PRKCB: variants seen among roughly 807,000 people sequenced by gnomAD.
The protein encoded by PRKCB is protein kinase C beta type.
In PRKCB, 13 loss-of-function variants were observed where a neutral mutation model predicts 81.5. The ratio of observed to expected loss-of-function variants is 0.16; its 90% CI spans 0.10 to 0.25. The LOEUF (loss-of-function observed/expected upper bound fraction) is 0.25. Among genes scored for constraint, PRKCB ranks in the 10% least tolerant of loss-of-function variants. The pLI, the probability that PRKCB is intolerant of heterozygous loss-of-function variation, is 1.00. For missense variants in PRKCB, 509 were observed against 875.7 expected (o/e 0.58, Z 5.29); for synonymous variants, 335 against 321.4 (o/e 1.04, Z -0.45).
At chr16:23,921,439 C>T (rs923797674) in intron 2 of PRKCB, among the ~76,000 whole-genome samples, 4 of 152,180 alleles carry the variant, frequency 2.6e-5, no homozygotes, top group East Asian at 1.9e-4. Context: ...CTTTCGGTCT[C>T]GTGAGGAGAC....
intron 3 of PRKCB, among the ~76,000 whole-genome samples, chr16:23,991,325 G>A (rs1370236483): frequency 3.3e-5 from 5 of 152,182 alleles, no homozygotes; most frequent in Non-Finnish European, 5.9e-5. Context: ...AAATCTGTTT[G>A]CAAAGACAAA....
chr16:24,020,972 TTC>T (rs1334468598), intron 3 of PRKCB, among the ~76,000 whole-genome samples: 11 of 98,154 alleles, frequency 1.1e-4, no homozygotes, highest in Non-Finnish European at 1.7e-4. Context: ...AGAGAGACTT[TTC>T]TTTTTCTTTC....
At chr16:24,029,097 T>G (rs1488018223) in intron 3 of PRKCB, among the ~76,000 whole-genome samples, 1 of 152,184 alleles carries the variant, frequency 6.6e-6, no homozygotes, top group Non-Finnish European at 1.5e-5. Flanking sequence ...GGCCTGGATG[T>G]TTTCATTTCA....
chr16:24,128,172 C>T (rs769272770), intron 9 of PRKCB, among the ~76,000 whole-genome samples: 21 of 152,224 alleles, frequency 1.4e-4, no homozygotes, highest in Non-Finnish European at 2.5e-4. Flanking sequence ...GTCAGGAGTT[C>T]GAGGCCAGCC....
At chr16:24,020,199 T>A (rs1965340277) in intron 3 of PRKCB, among the ~76,000 whole-genome samples, 1 of 152,242 alleles carries the variant, frequency 6.6e-6, no homozygotes, top group Non-Finnish European at 1.5e-5. Flanking sequence ...TTTTAAATTG[T>A]CTACTTCATT....
intron 5 of PRKCB, among the ~76,000 whole-genome samples, chr16:24,063,118 T>A (rs1283909519): frequency 3.3e-5 from 5 of 152,094 alleles, no homozygotes. Context: ...ACTTCCTTCT[T>A]TGGCCTCTTC....
At chr16:23,841,672 T>TTTTG (rs1962267720) in intron 2 of PRKCB, among the ~76,000 whole-genome samples, 1 of 102,648 alleles carries the variant, frequency 9.7e-6, no homozygotes, top group Non-Finnish European at 2.1e-5. Context: ...TTTTTTTTTT[T>TTTTG]TGAGACGGAG....
chr16:24,015,314 G>T (rs574443474), intron 3 of PRKCB, among the ~76,000 whole-genome samples: 1 of 152,318 alleles, frequency 6.6e-6, no homozygotes, highest in South Asian at 2.1e-4. Context: ...CAAGTAGCTT[G>T]CTCGAGGCTG....
At chr16:24,081,942 T>C (rs1330223339) in intron 5 of PRKCB, among the ~76,000 whole-genome samples, 1 of 152,090 alleles carries the variant, frequency 6.6e-6, no homozygotes, top group East Asian at 1.9e-4. Context: ...ATTGTTTCTA[T>C]ACACAGAAAA....
intron 10 of PRKCB, among the ~76,000 whole-genome samples, chr16:24,170,145 C>T (rs1377133985): frequency 6.6e-6 from 1 of 152,056 alleles, no homozygotes; most frequent in African/African-American, 2.4e-5. Context: ...TCTGTGTCTA[C>T]TTGCTAGAAT....
At chr16:23,881,841 C>T (rs1016111574) in intron 2 of PRKCB, among the ~76,000 whole-genome samples, 4 of 151,796 alleles carry the variant, frequency 2.6e-5, no homozygotes, top group African/African-American at 7.3e-5. Context: ...TCCTCCCCAC[C>T]GAGCCTCTGG....
Position 24,215,667 on chromosome 16 carries a change from AG to A in PRKCB, c.*853del. ...AAAAAAGAAAAAAAAAGAAAAAAAA[AG>A]GTGACTCACATTGTTACACATGCTT... On this transcript the variant is annotated 3_prime_UTR_variant, in exon 17 of 17. Transcript: ENST00000643927. The A allele has an allele frequency of 1.0e-6, 1 of 985,166 alleles. No individual in the cohort carries two copies. The highest frequency in any genetic ancestry group is 1.2e-6 in the Non-Finnish European group (1 of 829,382). The allele number at this position is 985,166 out of a possible 1,614,324, so 61.0% of individuals were successfully genotyped here.
chr16:24,106,919 C>T (rs1256854238), intron 7 of PRKCB, among the ~76,000 whole-genome samples: 4 of 151,838 alleles, frequency 2.6e-5, no homozygotes, highest in Non-Finnish European at 5.9e-5. Flanking sequence ...TATGTTGCAA[C>T]GTTCCTCCTC....
At chr16:23,929,394 T>C (rs1963940618) in intron 2 of PRKCB, among the ~76,000 whole-genome samples, 1 of 152,102 alleles carries the variant, frequency 6.6e-6, no homozygotes, top group Non-Finnish European at 1.5e-5. Flanking sequence ...AAGTCTGGAT[T>C]CTGCCATTTC....
chr16:24,009,210 C>T (rs937477363), intron 3 of PRKCB, among the ~76,000 whole-genome samples: 2 of 152,082 alleles, frequency 1.3e-5, no homozygotes, highest in African/African-American at 4.8e-5. Flanking sequence ...TGGGTAAATA[C>T]CCAGAGGTGA....
intron 2 of PRKCB, among the ~76,000 whole-genome samples, chr16:23,961,742 G>A (rs897801725): frequency 2.6e-5 from 4 of 151,958 alleles, no homozygotes; most frequent in African/African-American, 9.7e-5. Context: ...CATTTTACTT[G>A]CCAGTTGAGC....
intron 2 of PRKCB, among the ~76,000 whole-genome samples, chr16:23,873,951 T>A (rs573309134): frequency 4.1e-4 from 63 of 152,282 alleles, no homozygotes; most frequent in African/African-American, 1.4e-3. Context: ...GCCTCCTGCC[T>A]CTGTAAATCA....
chr16:23,924,946 G>A (rs1963876180), intron 2 of PRKCB, among the ~76,000 whole-genome samples: 1 of 152,078 alleles, frequency 6.6e-6, no homozygotes, highest in South Asian at 2.1e-4. Flanking sequence ...ATGAGTAAAT[G>A]CTATATAGGT....
At chr16:23,878,659 C>T (rs984029899) in intron 2 of PRKCB, among the ~76,000 whole-genome samples, 15 of 152,068 alleles carry the variant, frequency 9.9e-5, no homozygotes, top group Admixed American at 3.9e-4. Flanking sequence ...CGTACATGTC[C>T]GTGAGTGATC....
Sources: gnomAD v4.1 joint callset for allele counts (sites outside exome capture counted in the v4.1 genomes callset) on GRCh38, gnomAD v4.1.1 for gene constraint, MANE v1.5 for transcripts, NCBI Gene and HGNC (gene_info 2026-07-23, HGNC 2026-07-21) for gene names.